The following TNFSF4 variants were observed in gnomAD, a reference collection of about 807,000 sequenced individuals.
The protein encoded by TNFSF4 is TNF superfamily member 4.
A neutral mutation model predicts 7.3 loss-of-function variants in TNFSF4; 4 were observed. That is an observed-to-expected ratio of 0.55 (90% CI 0.27 to 1.25). The LOEUF is 1.25. TNFSF4 is among the 50% of genes most tolerant of loss of function. The probability of loss-of-function intolerance (pLI) is 0.12; values close to 1 mark genes in which losing one functional copy is unlikely to be tolerated. For missense variants in TNFSF4, 181 were observed against 208.8 expected (o/e 0.87, Z 0.82); for synonymous variants, 76 against 83.7 (o/e 0.91, Z 0.50).
At chr1:173,386,711 C>G in the TNFSF4 span, among the ~76,000 whole-genome samples, 1 of 152,172 alleles carries the variant, frequency 6.6e-6, no homozygotes, top group African/African-American at 2.4e-5. Flanking sequence ...GACTCCAACT[C>G]CGAGAGAAGC....
the TNFSF4 span, among the ~76,000 whole-genome samples, chr1:173,421,058 G>A: frequency 5.3e-5 from 8 of 152,028 alleles, no homozygotes; most frequent in East Asian, 1.9e-4. Flanking sequence ...ACCTAACTGT[G>A]GTATTATTTT....
the TNFSF4 span, among the ~76,000 whole-genome samples, chr1:173,376,046 T>C: frequency 6.6e-6 from 1 of 152,106 alleles, no homozygotes; most frequent in Non-Finnish European, 1.5e-5. Flanking sequence ...ATGTTACTCC[T>C]CCCTCAATGA....
the TNFSF4 span, among the ~76,000 whole-genome samples, chr1:173,291,098 G>T: frequency 6.6e-6 from 1 of 152,146 alleles, no homozygotes; most frequent in African/African-American, 2.4e-5. Flanking sequence ...GGTTCTGCAG[G>T]ATATACAGGA....
At chr1:173,327,172 T>C in the TNFSF4 span, among the ~76,000 whole-genome samples, 1 of 152,102 alleles carries the variant, frequency 6.6e-6, no homozygotes, top group Non-Finnish European at 1.5e-5. Context: ...AACAGAGATA[T>C]AGACCAATGG....
At chr1:173,259,474 A>T in the TNFSF4 span, among the ~76,000 whole-genome samples, 1 of 152,238 alleles carries the variant, frequency 6.6e-6, no homozygotes, top group Non-Finnish European at 1.5e-5. Context: ...GCAAGGGCAC[A>T]GAACTGGGAT....
chr1:173,410,121 C>T, the TNFSF4 span, among the ~76,000 whole-genome samples: 2 of 152,030 alleles, frequency 1.3e-5, no homozygotes, highest in Non-Finnish European at 2.9e-5. Flanking sequence ...AAAAATGAGG[C>T]GGGAGGATCA....
chr1:173,275,309 C>T, the TNFSF4 span, among the ~76,000 whole-genome samples: 32,078 of 152,028 alleles, frequency 0.21, 3,693 homozygotes, highest in Admixed American at 0.32. Flanking sequence ...TGCAAGCAAA[C>T]CTGCCCAAAC....
chr1:173,317,122 G>A, the TNFSF4 span, among the ~76,000 whole-genome samples: 20 of 152,254 alleles, frequency 1.3e-4, 1 homozygote, highest in East Asian at 3.7e-3. Context: ...CCATGTTAGA[G>A]GTCAAATAAT....
the TNFSF4 span, among the ~76,000 whole-genome samples, chr1:173,216,588 G>C: frequency 1.3e-5 from 2 of 152,312 alleles, no homozygotes; most frequent in African/African-American, 4.8e-5. Flanking sequence ...GGTGGATGGA[G>C]AGAAGTATAG....
At chr1:173,428,596 C>T in the TNFSF4 span, among the ~76,000 whole-genome samples, 1 of 152,142 alleles carries the variant, frequency 6.6e-6, no homozygotes, top group African/African-American at 2.4e-5. Context: ...TAAATACTGA[C>T]TAGTTTATGA....
intron 1 of TNFSF4, among the ~76,000 whole-genome samples, chr1:173,191,793 A>G (rs762217728): frequency 6.6e-6 from 1 of 152,226 alleles, no homozygotes. Flanking sequence ...TAATACTGTG[A>G]GCGGAACTTT....
At chr1:173,415,611 C>T in the TNFSF4 span, among the ~76,000 whole-genome samples, 1 of 152,234 alleles carries the variant, frequency 6.6e-6, no homozygotes, top group Non-Finnish European at 1.5e-5. Flanking sequence ...GGATAATTAT[C>T]CTGGCCCTGA....
chr1:173,175,023 T>G, the TNFSF4 span: 1 of 152,210 alleles, frequency 6.6e-6, no homozygotes, highest in Non-Finnish European at 1.5e-5. Flanking sequence ...TTGTTTTCTG[T>G]GAAGTAAGAT....
chr1:173,174,134 A>G, the TNFSF4 span, among the ~76,000 whole-genome samples: 1 of 152,336 alleles, frequency 6.6e-6, no homozygotes, highest in South Asian at 2.1e-4. Flanking sequence ...GAGCAAGGCC[A>G]AAATGCTGCC....
the TNFSF4 span, among the ~76,000 whole-genome samples, chr1:173,358,281 T>C: frequency 6.6e-6 from 1 of 152,236 alleles, no homozygotes; most frequent in Non-Finnish European, 1.5e-5. Flanking sequence ...ACAGGCTCCC[T>C]GCTTTCTTAT....
the TNFSF4 span, among the ~76,000 whole-genome samples, chr1:173,396,874 G>A: frequency 6.6e-6 from 1 of 152,216 alleles, no homozygotes; most frequent in Non-Finnish European, 1.5e-5. Context: ...AGGAGCCCTA[G>A]CATCCCTGAA....
the TNFSF4 span, among the ~76,000 whole-genome samples, chr1:173,283,382 A>G: frequency 3.3e-5 from 5 of 152,302 alleles, no homozygotes; most frequent in East Asian, 9.7e-4. Flanking sequence ...TGTTTTGATC[A>G]GTATTGCAGA....
chr1:173,364,194 A>C, the TNFSF4 span, among the ~76,000 whole-genome samples: 1 of 146,036 alleles, frequency 6.8e-6, no homozygotes, highest in Non-Finnish European at 1.5e-5. Flanking sequence ...ATTATACTAT[A>C]TCTATATTTT....
At chr1:173,283,243 C>T in the TNFSF4 span, among the ~76,000 whole-genome samples, 17 of 152,232 alleles carry the variant, frequency 1.1e-4, no homozygotes, top group South Asian at 1.2e-3. Context: ...TGTATATTTC[C>T]GGGATATCTC....
Sources: allele counts gnomAD v4.1 joint callset (sites outside exome capture counted in the v4.1 genomes callset), GRCh38; gene constraint gnomAD v4.1.1; transcripts MANE v1.5; gene names NCBI Gene and HGNC (gene_info 2026-07-23, HGNC 2026-07-21).